Variants in ARID1A observed in about 807,000 individuals in gnomAD.
The protein encoded by ARID1A is AT-rich interaction domain 1A.
A neutral mutation model predicts 212.6 loss-of-function variants in ARID1A; 20 were observed. That is an observed-to-expected ratio of 0.09 (90% CI 0.07 to 0.14). The LOEUF is 0.14. ARID1A is among the 10% of genes least tolerant of loss of function. The pLI, the probability that ARID1A is intolerant of heterozygous loss-of-function variation, is 1.00. For synonymous variants in ARID1A, 1,376 were observed against 1,222.1 expected (o/e 1.13, Z -2.63); for missense variants, 2,587 against 3,059.0 (o/e 0.85, Z 3.64).
Position 26,732,843 on chromosome 1 carries a change from A to C in ARID1A, c.1920+51A>C, listed in dbSNP as rs114178646. On this transcript the variant is annotated intron_variant, in intron 4 of 19. Coordinates refer to ENST00000324856, the MANE Select transcript of ARID1A (RefSeq NM_006015.6). ...GGTGATAGGGGCAGAGAGGAAACCA[A>C]TGCAAACTAGTTAGTTTCTGGTTGG... 1.3e-4 allele frequency: 192 copies of C among 1,451,194 alleles called. No individual in the cohort carries two copies. The South Asian group carries it at 2.2e-3, about 16-fold the overall frequency. 89.9% of individuals were successfully genotyped at this position (1,451,194 alleles called of 1,614,324 possible).
At chr1:26,701,308 T>C (rs1251108712) in intron 1 of ARID1A, among the ~76,000 whole-genome samples, 1 of 152,222 alleles carries the variant, frequency 6.6e-6, no homozygotes, top group Non-Finnish European at 1.5e-5. Flanking sequence ...CGAGTAGTTC[T>C]TTTCTGCCAG....
intron 7 of ARID1A, 50 bp downstream of exon 7, chr1:26,762,369 G>A (rs2124065257): frequency 6.4e-7 from 1 of 1,564,804 alleles, no homozygotes; most frequent in Non-Finnish European, 8.7e-7. Context: ...GGAGAAAACA[G>A]TTCCTTGTCT....
chr1:26,748,980 C>G (rs898652092), intron 4 of ARID1A, among the ~76,000 whole-genome samples: 2 of 151,960 alleles, frequency 1.3e-5, no homozygotes, highest in Middle Eastern at 3.2e-3. Flanking sequence ...CTGGCTAACA[C>G]GGTGAAACCT....
intron 1 of ARID1A, among the ~76,000 whole-genome samples, chr1:26,711,719 C>T (rs1420063171): frequency 1.3e-5 from 2 of 152,092 alleles, no homozygotes; most frequent in East Asian, 1.9e-4. Flanking sequence ...CTTAGTTCTT[C>T]GGCAATATGG....
chr1:26,773,118 A>AC (rs2081098534), intron 14 of ARID1A, 131 bp downstream of exon 14: 18 of 1,312,250 alleles, frequency 1.4e-5, no homozygotes, highest in Non-Finnish European at 1.7e-5. Flanking sequence ...TGCCCTAACT[A>AC]CCCCTCTTCA....
chr1:26,763,374 A>C, intron 8 of ARID1A, 89 bp downstream of exon 8: 1 of 1,406,622 alleles, frequency 7.1e-7, no homozygotes, highest in Non-Finnish European at 9.5e-7. Flanking sequence ...GACCTAAACC[A>C]GGGGGGGAAA....
rs189364216 is a variant in ARID1A at position 26,716,833 on chromosome 1, C to G, written c.1138-12818C>G. On this transcript the variant is annotated intron_variant, in intron 1 of 19. Coordinates refer to ENST00000324856, the MANE Select transcript of ARID1A (RefSeq NM_006015.6). ...TAGAGACAGGGTTTTCCCATGTTGG[C>G]CAGGCTGGTCTTGAACTCCTGATCT... Among the ~76,000 whole-genome samples, 14 of 152,218 alleles carry G rather than the reference C, an allele frequency of 9.2e-5. No individual in the cohort carries two copies. The East Asian group carries it at 2.7e-3, about 29-fold the overall frequency.
At chr1:26,773,929 T>C (rs763669818) in intron 17 of ARID1A, 31 bp downstream of exon 17, 3 of 1,604,230 alleles carry the variant, frequency 1.9e-6, no homozygotes, top group East Asian at 2.2e-5. Flanking sequence ...TGGACTGGCA[T>C]GCAGGTTCGC....
chr1:26,699,205 C>T (rs915862382), intron 1 of ARID1A, among the ~76,000 whole-genome samples: 1 of 152,080 alleles, frequency 6.6e-6, no homozygotes, highest in South Asian at 2.1e-4. Flanking sequence ...TATGAAGATA[C>T]GACCTAGAAT....
chr1:26,729,506 G>A (rs2080652052), intron 1 of ARID1A, 145 bp from the exon 2 acceptor site: 4 of 884,482 alleles, frequency 4.5e-6, no homozygotes, highest in African/African-American at 1.7e-5. Flanking sequence ...TGACTTAAAG[G>A]TTACTAGGTT....
In ARID1A at chr1:26,760,924, A is replaced by G; in HGVS notation, c.1989A>G (p.Thr663=). Residue 663 remains threonine, a synonymous_variant, in exon 5 of 20, where the codon ACA becomes ACG. Transcript: ENST00000324856. ...GAGCTCTGAGTCCTGGAGTGAGCACATCAGGGATTTCCAGCAGCCAAGGAG... is the reference window on the plus strand; with the variant it reads ...GAGCTCTGAGTCCTGGAGTGAGCACGTCAGGGATTTCCAGCAGCCAAGGAG... The part of the protein sequence containing the change: ...TEGALSPGVS[T]SGISSSQGEQ... 6.2e-7 allele frequency: 1 copy of G among 1,614,104 alleles called. No homozygotes were observed. Among genetic ancestry groups the G allele is most frequent in the Admixed American group, 1.7e-5 (1 of 60,014 alleles).
Position 26,766,452 on chromosome 1 carries a change from T to C in ARID1A, c.2879-5T>C, listed in dbSNP as rs757748951. ...TGGACTTGAGAATTTTTTTCTCTTT[T>C]ACAGGGATGGCAGCCAGCCCAGAGA... is the stretch of plus-strand genomic sequence containing the variant. On this transcript the variant is annotated splice_region_variant and splice_polypyrimidine_tract_variant and intron_variant, in intron 9 of 19. Coordinates refer to ENST00000324856, the MANE Select transcript of ARID1A (RefSeq NM_006015.6). 5.6e-6 allele frequency: 9 copies of C among 1,613,858 alleles called. No homozygotes were observed. Among genetic ancestry groups the C allele is most frequent in the Non-Finnish European group, 8.5e-7 (1 of 1,179,994 alleles).
rs1014331186 is a variant in ARID1A at position 26,696,762 on chromosome 1, C to G, written c.359C>G (p.Pro120Arg). The change falls in exon 1 of 20, where the codon CCG becomes CGG. Residue 120 changes from proline to arginine, a missense_variant. By Grantham distance (103) the Pro-to-Arg change is moderately radical. This residue lies in a region of ARID1A where 735 missense variants were observed against 590.6 expected (regional missense o/e 1.24). Coordinates refer to ENST00000324856, the MANE Select transcript of ARID1A (RefSeq NM_006015.6). ...RPALNNNLTE[P>R]PGGGGGGSSD... ...GCCCTGAACAATAACCTCACGGAGC[C>G]GCCCGGCGGCGGCGGTGGCGGCAGC... 15 of 1,349,386 alleles carry G rather than the reference C, an allele frequency of 1.1e-5. No individual in the cohort carries two copies. The highest frequency in any genetic ancestry group is 1.4e-5 in the Non-Finnish European group (15 of 1,055,076). 83.6% of individuals were successfully genotyped at this position (1,349,386 alleles called of 1,614,324 possible).
Position 26,773,650 on chromosome 1 carries a change from A to G in ARID1A, c.3937A>G (p.Asn1313Asp), listed in dbSNP as rs781602443. 2.5e-6 allele frequency: 4 copies of G among 1,614,124 alleles called. No homozygotes were observed. Among genetic ancestry groups the G allele is most frequent in the Non-Finnish European group, 2.5e-6 (3 of 1,180,032 alleles). ...CCCACAGCCGAATCTCATGCCTTCC[A>G]ACCCAGACTCGGGGATGTATTCTCC... ...GAPQPNLMPS[N>D]PDSGMYSPSR... The change falls in exon 16 of 20, where the codon AAC becomes GAC. Residue 1313 changes from asparagine to aspartate, a missense_variant. Physicochemically the swap from Asn to Asp is conservative, Grantham distance 23. Transcript: ENST00000324856.
In ARID1A at chr1:26,697,130, G is replaced by A. The variant is rs2124743282; in HGVS notation, c.727G>A (p.Ala243Thr). Residue 243 changes from alanine to threonine, a missense_variant, in exon 1 of 20, where the codon GCG becomes ACG. Physicochemically the swap from Ala to Thr is moderately conservative, Grantham distance 58. Transcript: ENST00000324856. ...SPRGGTPGSG[A>T]AAAAGSKPPP... Reference sequence around the variant, plus strand: ...GAGAGGTGGCACTCCGGGCTCCGGCGCGGCGGCGGCTGCCGGCTCCAAGCC... The same window carrying A: ...GAGAGGTGGCACTCCGGGCTCCGGCACGGCGGCGGCTGCCGGCTCCAAGCC... The A allele has an allele frequency of 7.0e-7, 1 of 1,436,596 alleles. No homozygotes were observed. Among genetic ancestry groups the A allele is most frequent in the South Asian group, 1.5e-5 (1 of 66,722 alleles). 89.0% of individuals were successfully genotyped at this position (1,436,596 alleles called of 1,614,324 possible). A position where few individuals can be genotyped will look rare whatever the true frequency, so the allele number is the denominator to read the frequency against.
At chr1:26,759,378 G>A (rs1215360969) in intron 4 of ARID1A, among the ~76,000 whole-genome samples, 2 of 151,722 alleles carry the variant, frequency 1.3e-5, no homozygotes, top group Non-Finnish European at 2.9e-5. Context: ...TATTTTTGGG[G>A]GTATTTTTAG....
At chr1:26,758,632 AAAAG>A (rs1272560672) in intron 4 of ARID1A, among the ~76,000 whole-genome samples, 7 of 152,010 alleles carry the variant, frequency 4.6e-5, no homozygotes, top group Non-Finnish European at 8.8e-5. Flanking sequence ...AAAAAAAAAA[AAAAG>A]AAGAAGAAGA....
intron 4 of ARID1A, among the ~76,000 whole-genome samples, chr1:26,741,935 A>C (rs528596740): frequency 6.6e-6 from 1 of 152,344 alleles, no homozygotes; most frequent in African/African-American, 2.4e-5. Flanking sequence ...CAGATTTTAG[A>C]GGGCAGGAGT....
intron 4 of ARID1A, among the ~76,000 whole-genome samples, chr1:26,754,868 C>G (rs1223631790): frequency 6.6e-6 from 1 of 152,166 alleles, no homozygotes; most frequent in African/African-American, 2.4e-5. Context: ...CCTGTGATCC[C>G]AGCACTTTGG....
Sources: allele counts gnomAD v4.1 joint callset (sites outside exome capture counted in the v4.1 genomes callset), GRCh38; gene constraint gnomAD v4.1.1; regional missense constraint gnomAD v4.1.1; transcripts MANE v1.5; gene names NCBI Gene and HGNC (gene_info 2026-07-23, HGNC 2026-07-21).